The following AFF3 variants were observed in gnomAD, a reference collection of about 807,000 sequenced individuals.
AFF3 encodes the protein ALF transcription elongation factor 3.
Under a neutral mutation model 129.7 loss-of-function variants are expected in AFF3, and 32 were observed. That is an observed-to-expected ratio of 0.25 (90% confidence interval 0.19 to 0.33). The LOEUF (loss-of-function observed/expected upper bound fraction) is 0.33. Ranked by LOEUF, AFF3 falls within the 10% of genes least tolerant of loss-of-function variation. The probability of loss-of-function intolerance (pLI) is 1.00; values close to 1 mark genes in which losing one functional copy is unlikely to be tolerated. For missense variants in AFF3, 1,373 were observed against 1,592.0 expected (o/e 0.86, Z 2.34); for synonymous variants, 644 against 635.4 (o/e 1.01, Z -0.20).
At chr2:99,932,646 T>C (rs1674135742) in intron 7 of AFF3, among the ~76,000 whole-genome samples, 1 of 152,192 alleles carries the variant, frequency 6.6e-6, no homozygotes, top group South Asian at 2.1e-4. Context: ...CATTGCAATT[T>C]TGTTCATCTC....
chr2:99,951,139 A>G (rs1380378960), intron 7 of AFF3, among the ~76,000 whole-genome samples: 1 of 152,230 alleles, frequency 6.6e-6, no homozygotes, highest in Non-Finnish European at 1.5e-5. Context: ...TTAAGCAAAG[A>G]ATGAATCAAG....
intron 4 of AFF3, among the ~76,000 whole-genome samples, chr2:100,039,389 T>C (rs1685239462): frequency 6.6e-6 from 1 of 152,134 alleles, no homozygotes; most frequent in Admixed American, 6.5e-5. Flanking sequence ...TGAGACCCCA[T>C]CTTTACAAAA....
At chr2:99,562,171 T>A (rs1264725320) in intron 20 of AFF3, among the ~76,000 whole-genome samples, 1 of 152,248 alleles carries the variant, frequency 6.6e-6, no homozygotes, top group Non-Finnish European at 1.5e-5. Context: ...TTTAGGTTTT[T>A]CTCTGCTTCT....
chr2:99,853,648 T>C (rs1690309934), intron 7 of AFF3, among the ~76,000 whole-genome samples: 1 of 152,222 alleles, frequency 6.6e-6, no homozygotes, highest in South Asian at 2.1e-4. Flanking sequence ...CTACATTTTC[T>C]AGATGCGAAA....
At chr2:99,969,499 A>AT (rs1321712082) in intron 7 of AFF3, among the ~76,000 whole-genome samples, 6 of 151,794 alleles carry the variant, frequency 4.0e-5, no homozygotes, top group African/African-American at 7.3e-5. Context: ...TTATTTATTT[A>AT]TTTTTTGAGA....
chr2:100,001,743 T>C (rs1681441485), intron 7 of AFF3, among the ~76,000 whole-genome samples: 1 of 152,212 alleles, frequency 6.6e-6, no homozygotes, highest in Non-Finnish European at 1.5e-5. Context: ...CTTCACCTTT[T>C]AAGACCCCAA....
intron 8 of AFF3, among the ~76,000 whole-genome samples, chr2:99,775,272 G>A (rs2163044): frequency 0.87 from 132,540 of 152,228 alleles, 57,738 homozygotes; most frequent in South Asian, 0.93. Flanking sequence ...CTATTGTAGT[G>A]CTATTAGCAA....
At chr2:100,015,830 G>A (rs1384774379) in intron 4 of AFF3, among the ~76,000 whole-genome samples, 1 of 152,142 alleles carries the variant, frequency 6.6e-6, no homozygotes, top group African/African-American at 2.4e-5. Context: ...GAGTTGTTGT[G>A]GTTGTGATGC....
chr2:100,030,857 A>C (rs367688241), intron 4 of AFF3, among the ~76,000 whole-genome samples: 13 of 152,334 alleles, frequency 8.5e-5, no homozygotes, highest in African/African-American at 3.1e-4. Flanking sequence ...GGTTGAATGT[A>C]GAGTACAGGA....
intron 11 of AFF3, among the ~76,000 whole-genome samples, chr2:99,709,807 C>G (rs926106437): frequency 1.3e-5 from 2 of 152,198 alleles, no homozygotes; most frequent in African/African-American, 4.8e-5. Context: ...ATCCCTACCC[C>G]CAAAGCCAAT....
At chr2:99,640,538 C>T (rs1413018455) in intron 13 of AFF3, among the ~76,000 whole-genome samples, 1 of 151,880 alleles carries the variant, frequency 6.6e-6, no homozygotes, top group Non-Finnish European at 1.5e-5. Flanking sequence ...AGACCAAGTT[C>T]AAGGACTCAA....
At chr2:100,056,526 C>T (rs138755509) in intron 4 of AFF3, among the ~76,000 whole-genome samples, 1 of 152,302 alleles carries the variant, frequency 6.6e-6, no homozygotes, top group East Asian at 1.9e-4. Context: ...TCCACAATCA[C>T]ATCTGCAAGT....
intron 8 of AFF3, among the ~76,000 whole-genome samples, chr2:99,781,437 G>A (rs1474608968): frequency 6.6e-6 from 1 of 152,196 alleles, no homozygotes; most frequent in Non-Finnish European, 1.5e-5. Context: ...AACCTTCTCT[G>A]TTTGTTCATT....
intron 13 of AFF3, among the ~76,000 whole-genome samples, chr2:99,621,143 C>A (rs1422036210): frequency 1.3e-5 from 2 of 152,220 alleles, no homozygotes; most frequent in Non-Finnish European, 2.9e-5. Context: ...TATTTTAATT[C>A]TTTCTGTTCC....
chr2:99,809,542 ATT>A (rs1686628044), intron 8 of AFF3, among the ~76,000 whole-genome samples: 1 of 152,214 alleles, frequency 6.6e-6, no homozygotes, highest in South Asian at 2.1e-4. Context: ...GAAAGCTGGA[ATT>A]TAACACTAAG....
chr2:99,844,702 T>C (rs1233176039), intron 7 of AFF3, among the ~76,000 whole-genome samples: 2 of 152,088 alleles, frequency 1.3e-5, no homozygotes. Flanking sequence ...CCCAAAGTGC[T>C]GGGATTACAG....
chr2:100,080,280 T>C (rs1688942134), intron 4 of AFF3, among the ~76,000 whole-genome samples: 4 of 152,218 alleles, frequency 2.6e-5, no homozygotes, highest in South Asian at 4.1e-4. Flanking sequence ...CTAGAGAGAA[T>C]ATAGGTAAAG....
At chr2:100,023,516 T>C (rs1018697564) in intron 4 of AFF3, among the ~76,000 whole-genome samples, 1 of 152,152 alleles carries the variant, frequency 6.6e-6, no homozygotes, top group African/African-American at 2.4e-5. Flanking sequence ...CCAGATCATC[T>C]TAGAATTACA....
Position 100,007,389 on chromosome 2 carries a change from A to G in AFF3, c.246T>C (p.Phe82=). The G allele has an allele frequency of 1.2e-6, 2 of 1,614,182 alleles. No homozygotes were observed. Among genetic ancestry groups the G allele is most frequent in the Non-Finnish European group, 8.5e-7 (1 of 1,180,034 alleles). ...GACTCTGATTGGATCTATCAGTTAA[A>G]AAGTCTTTCATTTCATCATAATTGC... is the stretch of plus-strand genomic sequence containing the variant. The part of the protein sequence containing the change: ...TLGNYDEMKD[F]LTDRSNQSHL... Residue 82 remains phenylalanine (F), a synonymous_variant, in exon 6 of 25, where the codon TTT becomes TTC. Coordinates refer to ENST00000672756, the MANE Select transcript of AFF3 (RefSeq NM_001386135.1).
Sources: allele counts gnomAD v4.1 joint callset (sites outside exome capture counted in the v4.1 genomes callset), GRCh38; gene constraint gnomAD v4.1.1; transcripts MANE v1.5; gene names NCBI Gene and HGNC (gene_info 2026-07-23, HGNC 2026-07-21).